The following GRM8 variants were observed in gnomAD, a reference collection of about 807,000 sequenced individuals.
GRM8 encodes the protein glutamate metabotropic receptor 8, also known as metabotropic glutamate receptor 8.
Under a neutral mutation model 87.2 loss-of-function variants are expected in GRM8, and 47 were observed. That is an observed-to-expected ratio of 0.54 (90% CI 0.43 to 0.69). GRM8 has a LOEUF of 0.69. Among genes scored for constraint, GRM8 ranks in the 30% least tolerant of loss-of-function variants. The probability of loss-of-function intolerance (pLI) is 0.00; values close to 1 mark genes in which losing one functional copy is unlikely to be tolerated. For missense variants in GRM8, 1,019 were observed against 1,139.2 expected (o/e 0.89, Z 1.52); for synonymous variants, 396 against 404.5 (o/e 0.98, Z 0.25).
intron 8 of GRM8, among the ~76,000 whole-genome samples, chr7:126,590,209 G>A (rs1796547180): frequency 6.6e-6 from 1 of 151,516 alleles, no homozygotes; most frequent in Admixed American, 6.6e-5. Context: ...TGGAAATCAA[G>A]GACACATTTA....
intron 6 of GRM8, among the ~76,000 whole-genome samples, chr7:126,885,003 C>T (rs185251371): frequency 6.6e-6 from 1 of 152,268 alleles, no homozygotes; most frequent in East Asian, 1.9e-4. Flanking sequence ...ATAGTATATC[C>T]CTCTGTACAT....
chr7:126,868,534 T>G (rs1405636379), intron 6 of GRM8, among the ~76,000 whole-genome samples: 1 of 152,208 alleles, frequency 6.6e-6, no homozygotes, highest in Non-Finnish European at 1.5e-5. Flanking sequence ...TCTGCCATCC[T>G]TTGGGAAGAT....
chr7:126,853,797 T>C (rs906552036), intron 6 of GRM8, among the ~76,000 whole-genome samples: 1 of 152,184 alleles, frequency 6.6e-6, no homozygotes, highest in East Asian at 1.9e-4. Flanking sequence ...CTCTCTTCAC[T>C]TGCTCTCCAA....
chr7:127,189,808 A>C (rs571561997), intron 2 of GRM8, among the ~76,000 whole-genome samples: 2 of 152,242 alleles, frequency 1.3e-5, no homozygotes, highest in African/African-American at 2.4e-5. Flanking sequence ...TGTTAGGAGA[A>C]CCTTTTGAAA....
At chr7:126,459,849 C>A (rs1803693104) in intron 9 of GRM8, among the ~76,000 whole-genome samples, 2 of 151,470 alleles carry the variant, frequency 1.3e-5, no homozygotes, top group Non-Finnish European at 3.0e-5. Context: ...CTAACCACTT[C>A]CAACTCAGCC....
At chr7:126,870,630 G>A (rs1051873158) in intron 6 of GRM8, 3 of 152,192 alleles carry the variant, frequency 2.0e-5, no homozygotes, top group Non-Finnish European at 2.9e-5. Flanking sequence ...GCAGGTTGCT[G>A]AAGCAGTCAG....
At chr7:127,109,504 G>A (rs548787865) in intron 2 of GRM8, among the ~76,000 whole-genome samples, 1 of 152,182 alleles carries the variant, frequency 6.6e-6, no homozygotes, top group South Asian at 2.1e-4. Flanking sequence ...CCATACCAGG[G>A]AGATTTAATG....
chr7:126,799,644 A>G (rs1585985208), intron 6 of GRM8, among the ~76,000 whole-genome samples: 1 of 152,064 alleles, frequency 6.6e-6, no homozygotes, highest in Non-Finnish European at 1.5e-5. Flanking sequence ...CCATCCCTGG[A>G]CTGTAGAAAG....
At chr7:126,831,966 A>C (rs1795423284) in intron 6 of GRM8, among the ~76,000 whole-genome samples, 1 of 152,196 alleles carries the variant, frequency 6.6e-6, no homozygotes, top group Admixed American at 6.5e-5. Context: ...GTTTGGTAGA[A>C]TATATCCTCT....
At chr7:127,047,813 G>A (rs1819087457) in intron 3 of GRM8, among the ~76,000 whole-genome samples, 1 of 152,192 alleles carries the variant, frequency 6.6e-6, no homozygotes, top group Non-Finnish European at 1.5e-5. Context: ...CATAGCCTGG[G>A]TGACAAAATG....
chr7:127,241,801 C>T (rs1798320707), intron 2 of GRM8, among the ~76,000 whole-genome samples: 1 of 151,928 alleles, frequency 6.6e-6, no homozygotes, highest in Admixed American at 6.6e-5. Flanking sequence ...AATTCATGTC[C>T]CCCTGAGTAA....
At chr7:126,778,618 G>T (rs1049929509) in intron 6 of GRM8, among the ~76,000 whole-genome samples, 6 of 152,084 alleles carry the variant, frequency 3.9e-5, no homozygotes, top group Admixed American at 3.3e-4. Context: ...ACACATGAGA[G>T]ACAAATTTTG....
intron 8 of GRM8, among the ~76,000 whole-genome samples, chr7:126,580,616 C>A (rs1585114012): frequency 6.6e-6 from 1 of 152,196 alleles, no homozygotes; most frequent in South Asian, 2.1e-4. Flanking sequence ...GATATATATG[C>A]TTTTGAATTT....
At chr7:127,221,302 T>G (rs1054115202) in intron 2 of GRM8, among the ~76,000 whole-genome samples, 6 of 152,192 alleles carry the variant, frequency 3.9e-5, no homozygotes, top group Non-Finnish European at 7.4e-5. Flanking sequence ...GGTTTTCACA[T>G]GGTACCACCG....
chr7:126,927,610 G>GA (rs1428924902), intron 3 of GRM8, among the ~76,000 whole-genome samples: 1 of 152,122 alleles, frequency 6.6e-6, no homozygotes, highest in Non-Finnish European at 1.5e-5. Context: ...ACAAGCATAT[G>GA]AAAAAAAGCT....
intron 3 of GRM8, among the ~76,000 whole-genome samples, chr7:127,024,497 T>C (rs1365489209): frequency 2.0e-5 from 3 of 152,084 alleles, no homozygotes; most frequent in Non-Finnish European, 4.4e-5. Flanking sequence ...TGGGTCTCCC[T>C]GTTTCCACAC....
chr7:127,151,321 G>C (rs760562630), intron 2 of GRM8, among the ~76,000 whole-genome samples: 2 of 152,000 alleles, frequency 1.3e-5, no homozygotes, highest in Non-Finnish European at 2.9e-5. Flanking sequence ...TGTGGTTCTT[G>C]ACCATACAGA....
intron 3 of GRM8, among the ~76,000 whole-genome samples, chr7:127,036,667 G>A (rs953663102): frequency 6.6e-6 from 1 of 152,136 alleles, no homozygotes; most frequent in Non-Finnish European, 1.5e-5. Flanking sequence ...AGCCAAATGT[G>A]GGGTTTGACC....
At chr7:126,517,502 T>C (rs1454985210) in intron 9 of GRM8, among the ~76,000 whole-genome samples, 1 of 152,088 alleles carries the variant, frequency 6.6e-6, no homozygotes, top group Non-Finnish European at 1.5e-5. Context: ...ATCCAGTCTC[T>C]ACATCCATGC....
Sources: allele counts gnomAD v4.1 joint callset (sites outside exome capture counted in the v4.1 genomes callset), GRCh38; gene constraint gnomAD v4.1.1; transcripts MANE v1.5; gene names NCBI Gene and HGNC (gene_info 2026-07-23, HGNC 2026-07-21).